Variants in AIG1 observed in about 807,000 individuals in gnomAD.
AIG1 encodes androgen induced 1.
Under a neutral mutation model 31.4 loss-of-function variants are expected in AIG1, and 23 were observed. The ratio of observed to expected loss-of-function variants is 0.73; its 90% CI spans 0.53 to 1.04. The LOEUF (loss-of-function observed/expected upper bound fraction) is 1.04, where lower values mean the gene tolerates loss of function less well. Ranked by LOEUF, AIG1 falls within the 50% of genes least tolerant of loss-of-function variation. The pLI, the probability that AIG1 is intolerant of heterozygous loss-of-function variation, is 0.00. For synonymous variants in AIG1, 100 were observed against 110.5 expected, an observed-to-expected ratio of 0.90 and a Z score of 0.60; for missense variants, 274 against 295.0, an observed-to-expected ratio of 0.93 and a Z score of 0.52.
At chr6:143,122,774 A>G (rs1015906318) in intron 1 of AIG1, among the ~76,000 whole-genome samples, 1 of 152,130 alleles carries the variant, frequency 6.6e-6, no homozygotes, top group African/African-American at 2.4e-5. Context: ...ACTGTCATTG[A>G]GAACAGCTTG....
Position 143,193,146 on chromosome 6 carries a change from T to C in AIG1, c.399+27963T>C, listed in dbSNP as rs141598197. ...ACCACTCTGAAGAGATTTTCTATTA[T>C]TTTACTCAATATGAGTGTATCCATG... On this transcript the variant is annotated intron_variant, in intron 3 of 5. Coordinates refer to ENST00000357847, the MANE Select transcript of AIG1 (RefSeq NM_016108.4). 7.3e-4 allele frequency among the ~76,000 whole-genome samples: 111 copies of C among 152,356 alleles called. 1 individual carries two copies. In the East Asian group the frequency reaches 0.019, roughly 26 times the overall value.
At chr6:143,318,782 G>A (rs1354092110) in intron 4 of AIG1, among the ~76,000 whole-genome samples, 12 of 148,250 alleles carry the variant, frequency 8.1e-5, no homozygotes, top group Admixed American at 6.0e-4. Flanking sequence ...AAATCAGCAA[G>A]GAAAAAAAAA....
intron 3 of AIG1, among the ~76,000 whole-genome samples, chr6:143,182,309 C>T (rs967271418): frequency 6.6e-6 from 1 of 152,222 alleles, no homozygotes; most frequent in Non-Finnish European, 1.5e-5. Flanking sequence ...GCTGAGATTA[C>T]AGGCATAAGC....
chr6:143,077,555 ATTAT>A (rs1198452433), intron 1 of AIG1, among the ~76,000 whole-genome samples: 1 of 152,216 alleles, frequency 6.6e-6, no homozygotes, highest in African/African-American at 2.4e-5. Flanking sequence ...GAAATTTGCA[ATTAT>A]TTAAGCCATT....
intron 2 of AIG1, among the ~76,000 whole-genome samples, chr6:143,154,042 G>A (rs879594585): frequency 5.3e-5 from 8 of 151,744 alleles, no homozygotes; most frequent in Admixed American, 2.6e-4. Context: ...CTTGAAACCA[G>A]GAGTTCGTGA....
At chr6:143,145,294 G>A (rs1160686233) in intron 2 of AIG1, among the ~76,000 whole-genome samples, 1 of 152,140 alleles carries the variant, frequency 6.6e-6, no homozygotes, top group Non-Finnish European at 1.5e-5. Flanking sequence ...AAAGTGCTGG[G>A]ATTCTAAGCA....
intron 1 of AIG1, among the ~76,000 whole-genome samples, chr6:143,098,919 G>C (rs1780022255): frequency 6.6e-6 from 1 of 152,154 alleles, no homozygotes; most frequent in Non-Finnish European, 1.5e-5. Flanking sequence ...CAGTCTATCT[G>C]GGTAGCTGCT....
At chr6:143,216,551 T>C (rs941791000) in intron 3 of AIG1, among the ~76,000 whole-genome samples, 1 of 152,230 alleles carries the variant, frequency 6.6e-6, no homozygotes, top group Non-Finnish European at 1.5e-5. Context: ...GGACAAGAGC[T>C]ACTCTTGGAG....
At chr6:143,157,360 T>C (rs1402893393) in intron 2 of AIG1, among the ~76,000 whole-genome samples, 2 of 151,988 alleles carry the variant, frequency 1.3e-5, no homozygotes, top group African/African-American at 4.8e-5. Flanking sequence ...CGCAGAGTGC[T>C]CTGATTCTCA....
At chr6:143,220,912 A>G (rs1250724847) in intron 3 of AIG1, among the ~76,000 whole-genome samples, 4 of 152,206 alleles carry the variant, frequency 2.6e-5, no homozygotes, top group Non-Finnish European at 5.9e-5. Context: ...TAACAAACAC[A>G]GTGAATCTCT....
At chr6:143,285,992 A>G (rs1369379285) in intron 4 of AIG1, among the ~76,000 whole-genome samples, 2 of 152,038 alleles carry the variant, frequency 1.3e-5, no homozygotes, top group African/African-American at 4.8e-5. Context: ...TCCTATAGCC[A>G]TAGTTTAAAA....
intron 2 of AIG1, among the ~76,000 whole-genome samples, chr6:143,156,284 T>G (rs1438114027): frequency 6.6e-6 from 1 of 152,140 alleles, no homozygotes; most frequent in African/African-American, 2.4e-5. Context: ...TTGAGTAAAC[T>G]ATGGTACATA....
intron 3 of AIG1, among the ~76,000 whole-genome samples, chr6:143,274,275 C>T (rs1423003747): frequency 6.6e-6 from 1 of 152,156 alleles, no homozygotes; most frequent in Admixed American, 6.5e-5. Context: ...TCAAACTGCC[C>T]AAGTCTGAGC....
At chr6:143,285,460 G>A (rs1248418582) in intron 4 of AIG1, among the ~76,000 whole-genome samples, 2 of 151,334 alleles carry the variant, frequency 1.3e-5, no homozygotes, top group Admixed American at 6.6e-5. Context: ...CCGGGAGTTC[G>A]AGACCAGTCT....
rs146810364 is a variant in AIG1 at position 143,160,731 on chromosome 6, A to G, written c.298-4351A>G. ...TTTTGGGTTTGCTGATGGCTATACT[A>G]TCAGGAGGATATCAGTGCAGGAAGC... On this transcript the variant is annotated intron_variant, in intron 2 of 5. Transcript: ENST00000357847. Among the ~76,000 whole-genome samples, 226 of 152,302 alleles carry G rather than the reference A, an allele frequency of 1.5e-3. 1 individual carries two copies. Among genetic ancestry groups the G allele is most frequent in the Admixed American group, 3.2e-3 (49 of 15,298 alleles).
At chr6:143,342,324 G>A (rs1021950894), downstream of AIG1, 38 of 676,444 alleles carry the variant, frequency 5.6e-5, no homozygotes, top group South Asian at 4.1e-4. Flanking sequence ...CAGCAGCTGC[G>A]AGGAGCTCAC....
intron 2 of AIG1, among the ~76,000 whole-genome samples, chr6:143,145,942 C>T (rs1032898843): frequency 1.3e-5 from 2 of 152,026 alleles, no homozygotes; most frequent in African/African-American, 2.4e-5. Flanking sequence ...ACATTCTTAC[C>T]AGTAGTATCA....
chr6:143,199,105 G>A (rs776567779), intron 3 of AIG1, among the ~76,000 whole-genome samples: 3 of 152,080 alleles, frequency 2.0e-5, no homozygotes, highest in East Asian at 1.9e-4. Context: ...TCAACAGTTC[G>A]TTTCTTGCAT....
At chr6:143,196,350 A>AACACAC (rs71784011) in intron 3 of AIG1, among the ~76,000 whole-genome samples, 7,399 of 141,576 alleles carry the variant, frequency 0.052, 238 homozygotes, top group Non-Finnish European at 0.068. Context: ...CAACAAAAGC[A>AACACAC]ACACACACAC....
Sources: gnomAD v4.1 joint callset for allele counts (sites outside exome capture counted in the v4.1 genomes callset) on GRCh38, gnomAD v4.1.1 for gene constraint, MANE v1.5 for transcripts, NCBI Gene and HGNC (gene_info 2026-07-23, HGNC 2026-07-21) for gene names.